The following LRP5 variants were observed in gnomAD, a reference collection of about 807,000 sequenced individuals.
LRP5 encodes LDL receptor related protein 5.
A neutral mutation model predicts 154.1 loss-of-function variants in LRP5; 62 were observed. That is an observed-to-expected ratio of 0.40 (90% confidence interval 0.33 to 0.50). The LOEUF (loss-of-function observed/expected upper bound fraction) is 0.50. Ranked by LOEUF, LRP5 falls within the 20% of genes least tolerant of loss-of-function variation. LRP5 has a pLI of 0.55. For missense variants in LRP5, 1,915 were observed against 2,336.7 expected (o/e 0.82, Z 3.72); for synonymous variants, 966 against 1,011.5 (o/e 0.96, Z 0.85).
At chr11:68,437,192 TGGGCTCGGCGGCTACAGAGTCTG>T (rs1042225502) in intron 19 of LRP5, among the ~76,000 whole-genome samples, 193 bp downstream of exon 19, 16 of 152,262 alleles carry the variant, frequency 1.1e-4, no homozygotes, top group African/African-American at 3.4e-4. Flanking sequence ...CTGTGAGCTG[TGGGCTCGGCGGCTACAGAGTCTG>T]CCTCAGTGGG....
chr11:68,439,067 G>A (rs1035556166), intron 20 of LRP5, among the ~76,000 whole-genome samples: 1 of 152,202 alleles, frequency 6.6e-6, no homozygotes, highest in Non-Finnish European at 1.5e-5. Context: ...TTTGTCTTGA[G>A]TGCAGCTGGG....
At position 68,429,542 on chromosome 11, in the gene LRP5, C is replaced by T. The variant is rs758835970; in HGVS notation, c.3638-33C>T. 1.9e-6 allele frequency: 3 copies of T among 1,613,354 alleles called. 1 individual carries two copies. In the South Asian group the frequency reaches 3.3e-5, roughly 18 times the overall value. ...GTGGTTCTGAGGTGGGAGACAGAGC[C>T]TGACCTCTGTTTGTCTTGTTTTGTC... On this transcript the variant is annotated intron_variant, in intron 16 of 22. Coordinates refer to ENST00000294304, the MANE Select transcript of LRP5 (RefSeq NM_002335.4).
In LRP5 at chr11:68,390,049, C is replaced by T. The variant is rs780098863; in HGVS notation, c.1581C>T (p.Ile527=). The change falls in exon 7 of 23, where the codon ATC becomes ATT. Residue 527 remains isoleucine, a synonymous_variant. Coordinates refer to ENST00000294304, the MANE Select transcript of LRP5 (RefSeq NM_002335.4). The stretch of plus-strand genomic sequence containing the variant: ...GGGGAGACGCCAAGACAGACAAGAT[C>T]GAGGTGAGGCTCCTGTGGACATGTT... The part of the protein sequence containing the change: ...LYWGDAKTDK[I]EVINVDGTKR... The T allele has an allele frequency of 3.1e-5, 50 of 1,614,098 alleles. No individual in the cohort carries two copies. In the Admixed American group the frequency reaches 7.2e-4, roughly 23 times the overall value.
chr11:68,338,425 T>C (rs532331131), intron 1 of LRP5, among the ~76,000 whole-genome samples: 79 of 152,316 alleles, frequency 5.2e-4, no homozygotes, highest in African/African-American at 1.9e-3. Flanking sequence ...TAAAATGAGA[T>C]TGTTGGCACT....
intron 20 of LRP5, among the ~76,000 whole-genome samples, chr11:68,439,148 C>T (rs2098676716): frequency 6.6e-6 from 1 of 152,212 alleles, no homozygotes. Context: ...TTGTAGATGG[C>T]TGGGCAGCCG....
upstream of LRP5, among the ~76,000 whole-genome samples, chr11:68,310,317 T>C (rs569584135): frequency 1.3e-4 from 20 of 152,204 alleles, no homozygotes; most frequent in African/African-American, 4.3e-4. Flanking sequence ...CCAGGCATGA[T>C]GGCCCCTCTC....
intron 13 of LRP5, among the ~76,000 whole-genome samples, chr11:68,422,500 T>C (rs1316023179): frequency 6.6e-6 from 1 of 152,156 alleles, no homozygotes; most frequent in Non-Finnish European, 1.5e-5. Context: ...TTCTGGGCTG[T>C]CCTCTCCTCC....
intron 1 of LRP5, among the ~76,000 whole-genome samples, chr11:68,325,819 G>A (rs1449420515): frequency 1.3e-5 from 2 of 152,248 alleles, no homozygotes; most frequent in Admixed American, 6.5e-5. Context: ...CCGTGATAGG[G>A]AATGATCTTT....
At chr11:68,421,299 C>T (rs1345518898) in intron 13 of LRP5, among the ~76,000 whole-genome samples, 1 of 152,122 alleles carries the variant, frequency 6.6e-6, no homozygotes, top group Non-Finnish European at 1.5e-5. Flanking sequence ...AACTGGCCAG[C>T]CGCGTAAAGT....
At chr11:68,373,618 C>G (rs1338107920) in intron 5 of LRP5, among the ~76,000 whole-genome samples, 5 of 152,232 alleles carry the variant, frequency 3.3e-5, no homozygotes, top group Non-Finnish European at 7.3e-5. Flanking sequence ...CAGAGTCACT[C>G]TCATCCCCAG....
intron 8 of LRP5, among the ~76,000 whole-genome samples, chr11:68,404,993 GTCC>G (rs2098654753): frequency 1.5e-5 from 2 of 137,016 alleles, no homozygotes; most frequent in East Asian, 2.1e-4. Context: ...AAAAAAAAAA[GTCC>G]AAAAAAAAAA....
At chr11:68,328,433 C>T (rs1257502300) in intron 1 of LRP5, among the ~76,000 whole-genome samples, 1 of 152,212 alleles carries the variant, frequency 6.6e-6, no homozygotes, top group East Asian at 1.9e-4. Context: ...TTCTAAAATG[C>T]GTTCTGAGCT....
At chr11:68,375,097 C>T (rs2153146048) in intron 5 of LRP5, among the ~76,000 whole-genome samples, 1 of 152,364 alleles carries the variant, frequency 6.6e-6, no homozygotes, top group South Asian at 2.1e-4. Flanking sequence ...GGGTGCGGGG[C>T]CTGGTGGGAC....
chr11:68,400,454 T>C (rs2098652000), intron 7 of LRP5, among the ~76,000 whole-genome samples: 2 of 152,144 alleles, frequency 1.3e-5, no homozygotes, highest in African/African-American at 4.8e-5. Context: ...GCGCGGTGGC[T>C]CACGCCTGTA....
intron 18 of LRP5, 68 bp downstream of exon 18, chr11:68,433,906 T>A: frequency 1.4e-6 from 2 of 1,476,734 alleles, no homozygotes; most frequent in Non-Finnish European, 1.9e-6. Context: ...AGCTTGGGGC[T>A]GCCTCCGGCC....
chr11:68,322,519 C>A (rs111729480), intron 1 of LRP5, among the ~76,000 whole-genome samples: 16 of 152,394 alleles, frequency 1.0e-4, no homozygotes, highest in African/African-American at 3.8e-4. Flanking sequence ...CCGCCCTGAG[C>A]AGACCTGCCC....
At position 68,411,632 on chromosome 11, in the gene LRP5, G is replaced by T. The variant is rs1411776380; in HGVS notation, c.2503+12G>T. 8.7e-6 allele frequency: 14 copies of T among 1,604,022 alleles called. No homozygotes were observed. The highest frequency in any genetic ancestry group is 1.1e-5 in the Non-Finnish European group (13 of 1,175,200). ...GTCCAACATGCTGGGTGAGGGCCGG[G>T]CTGGGGCCTTCTGGTCATGGAGGGC... On this transcript the variant is annotated intron_variant, in intron 11 of 22. Transcript: ENST00000294304.
chr11:68,329,546 G>A (rs1036809681), intron 1 of LRP5, among the ~76,000 whole-genome samples: 11 of 152,202 alleles, frequency 7.2e-5, no homozygotes, highest in African/African-American at 2.7e-4. Context: ...GTTTCAGTAA[G>A]TGCAAGCCCT....
upstream of LRP5, among the ~76,000 whole-genome samples, chr11:68,312,338 CG>C (rs1430129984): frequency 6.6e-6 from 1 of 151,888 alleles, no homozygotes; most frequent in South Asian, 2.1e-4. Context: ...CACCTGGCTC[CG>C]GGCCCCGATC....
Sources: allele counts gnomAD v4.1 joint callset (sites outside exome capture counted in the v4.1 genomes callset), GRCh38; gene constraint gnomAD v4.1.1; transcripts MANE v1.5; gene names NCBI Gene and HGNC (gene_info 2026-07-23, HGNC 2026-07-21).